The following SHISA9 variants were observed in gnomAD, a reference collection of about 807,000 sequenced individuals.
The protein encoded by SHISA9 is shisa family member 9, also known as protein shisa-9.
SHISA9 carries 13 observed loss-of-function variants against 38.0 expected under a neutral mutation model. The ratio of observed to expected loss-of-function variants is 0.34; its 90% CI spans 0.22 to 0.54. The LOEUF is 0.54. Ranked by LOEUF, SHISA9 falls within the 20% of genes least tolerant of loss-of-function variation. The pLI, the probability that SHISA9 is intolerant of heterozygous loss-of-function variation, is 0.91. For missense variants in SHISA9, 538 were observed against 575.8 expected, an observed-to-expected ratio of 0.93 and a Z score of 0.67; for synonymous variants, 275 against 242.0, an observed-to-expected ratio of 1.14 and a Z score of -1.27.
At chr16:13,136,735 C>T (rs2050352981) in intron 2 of SHISA9, among the ~76,000 whole-genome samples, 1 of 152,094 alleles carries the variant, frequency 6.6e-6, no homozygotes, top group Non-Finnish European at 1.5e-5. Flanking sequence ...GATCACTTCA[C>T]CTGATGACTC....
At chr16:12,941,637 C>T (rs1453980930) in intron 2 of SHISA9, among the ~76,000 whole-genome samples, 1 of 152,118 alleles carries the variant, frequency 6.6e-6, no homozygotes, top group East Asian at 1.9e-4. Flanking sequence ...GGCAGGCTCA[C>T]CTGAGGTCAG....
chr16:12,921,102 T>C (rs1356768601), intron 2 of SHISA9, among the ~76,000 whole-genome samples: 1 of 152,248 alleles, frequency 6.6e-6, no homozygotes. Context: ...TATATGTTCA[T>C]AGGACAAAGA....
chr16:13,241,855 C>T (rs74866665), downstream of SHISA9, among the ~76,000 whole-genome samples: 1,802 of 152,260 alleles, frequency 0.012, 28 homozygotes, highest in African/African-American at 0.042. Context: ...GTCTGGAACA[C>T]ACAGGATGCT....
chr16:13,115,092 T>G (rs2074018985), intron 2 of SHISA9, among the ~76,000 whole-genome samples: 1 of 152,244 alleles, frequency 6.6e-6, no homozygotes, highest in Non-Finnish European at 1.5e-5. Flanking sequence ...TTTTGCTGGC[T>G]GCCTATTTTA....
At chr16:13,026,073 G>A (rs1277400378) in intron 2 of SHISA9, among the ~76,000 whole-genome samples, 1 of 152,114 alleles carries the variant, frequency 6.6e-6, no homozygotes, top group Non-Finnish European at 1.5e-5. Flanking sequence ...CCAAAGTGTT[G>A]GGATTACAGG....
chr16:13,231,756 CAATG>C (rs1258628380), intron 4 of SHISA9, among the ~76,000 whole-genome samples: 2 of 152,132 alleles, frequency 1.3e-5, no homozygotes, highest in Non-Finnish European at 2.9e-5. Flanking sequence ...GTGCGGTGAT[CAATG>C]AATGATGTCT....
At chr16:13,034,935 C>G (rs751044348) in intron 2 of SHISA9, among the ~76,000 whole-genome samples, 1 of 152,174 alleles carries the variant, frequency 6.6e-6, no homozygotes, top group Non-Finnish European at 1.5e-5. Flanking sequence ...ACTGAAAGAT[C>G]TGCCCAGCTG....
At chr16:13,159,644 AT>A in intron 2 of SHISA9, among the ~76,000 whole-genome samples, 1 of 152,344 alleles carries the variant, frequency 6.6e-6, no homozygotes, top group Non-Finnish European at 1.5e-5. Context: ...GATTTACTAT[AT>A]TTCAGTTCCA....
At chr16:13,008,664 TTCCTCCCTCC>T (rs1313011333) in intron 2 of SHISA9, among the ~76,000 whole-genome samples, 9 of 14,458 alleles carry the variant, frequency 6.2e-4, no homozygotes, top group African/African-American at 2.3e-3. Context: ...CCTCCCTCCC[TTCCTCCCTCC>T]CTCCCTCTCT....
chr16:13,229,059 C>G (rs983936799), intron 4 of SHISA9, among the ~76,000 whole-genome samples: 12 of 152,198 alleles, frequency 7.9e-5, no homozygotes, highest in Admixed American at 2.6e-4. Context: ...ACTTGGGAGG[C>G]TGAGACAGGA....
chr16:13,351,506 G>T, the SHISA9 span, among the ~76,000 whole-genome samples: 7 of 152,286 alleles, frequency 4.6e-5, no homozygotes, highest in Admixed American at 3.9e-4. Context: ...CAGGACAGTT[G>T]TAAGGGCATC....
chr16:12,940,377 C>A (rs1012605449), intron 2 of SHISA9, among the ~76,000 whole-genome samples: 1 of 152,124 alleles, frequency 6.6e-6, no homozygotes, highest in Non-Finnish European at 1.5e-5. Flanking sequence ...AACCCCAGTC[C>A]ACATTCCTTT....
intron 2 of SHISA9, among the ~76,000 whole-genome samples, chr16:13,062,991 A>G (rs1274637057): frequency 7.3e-6 from 1 of 136,588 alleles, no homozygotes; most frequent in Non-Finnish European, 1.6e-5. Context: ...GAGTGACCCT[A>G]TCTCAGTTTC....
the SHISA9 span, among the ~76,000 whole-genome samples, chr16:13,374,970 A>G: frequency 3.3e-5 from 5 of 152,142 alleles, no homozygotes; most frequent in African/African-American, 9.7e-5. Flanking sequence ...TCTTCTTTTG[A>G]GAAGCGTCTG....
intron 2 of SHISA9, among the ~76,000 whole-genome samples, chr16:12,980,935 C>G (rs532093941): frequency 6.6e-6 from 1 of 151,944 alleles, no homozygotes; most frequent in Non-Finnish European, 1.5e-5. Context: ...CTACTTTATG[C>G]TGTTAATATC....
the SHISA9 span, among the ~76,000 whole-genome samples, chr16:13,319,124 C>T: frequency 6.6e-6 from 1 of 152,266 alleles, no homozygotes; most frequent in Non-Finnish European, 1.5e-5. Flanking sequence ...TCTCCTGCCT[C>T]AGCCTCCCGA....
intron 2 of SHISA9, among the ~76,000 whole-genome samples, chr16:13,054,088 T>G (rs1478801933): frequency 2.0e-5 from 3 of 152,304 alleles, no homozygotes; most frequent in East Asian, 3.9e-4. Context: ...CACATATGAA[T>G]TTGCTTTTTT....
chr16:13,480,616 T>G, the SHISA9 span, among the ~76,000 whole-genome samples: 1 of 152,234 alleles, frequency 6.6e-6, no homozygotes, highest in African/African-American at 2.4e-5. Context: ...TCTTGCCATT[T>G]TTCACCTGTG....
the SHISA9 span, among the ~76,000 whole-genome samples, chr16:13,529,511 G>C: frequency 2.6e-4 from 39 of 152,296 alleles, no homozygotes; most frequent in African/African-American, 9.4e-4. Context: ...CTTGATTTAT[G>C]ACTTTGCTTG....
Sources: gnomAD v4.1 joint callset for allele counts (sites outside exome capture counted in the v4.1 genomes callset) on GRCh38, gnomAD v4.1.1 for gene constraint, MANE v1.5 for transcripts, NCBI Gene and HGNC (gene_info 2026-07-23, HGNC 2026-07-21) for gene names.